Variants in FNIP2 observed in about 807,000 individuals in gnomAD.
FNIP2 encodes folliculin interacting protein 2, also known as folliculin-interacting protein 2.
FNIP2 carries 32 observed loss-of-function variants against 108.7 expected under a neutral mutation model. The ratio of observed to expected loss-of-function variants is 0.29; its 90% CI spans 0.22 to 0.40. The LOEUF is 0.40. Ranked by LOEUF, FNIP2 falls within the 10% of genes least tolerant of loss-of-function variation. FNIP2 has a pLI of 1.00. For missense variants in FNIP2, 1,202 were observed against 1,381.6 expected (o/e 0.87, Z 2.06); for synonymous variants, 480 against 496.7 (o/e 0.97, Z 0.45).
intron 1 of FNIP2, among the ~76,000 whole-genome samples, chr4:158,801,471 C>T (rs1018314984): frequency 6.6e-5 from 10 of 152,168 alleles, no homozygotes; most frequent in African/African-American, 2.4e-4. Flanking sequence ...AGTGGTCAGG[C>T]GCAGACGTGG....
Position 158,869,280 on chromosome 4 carries a change from A to C in FNIP2, c.2644A>C (p.Arg882=), listed in dbSNP as rs1250360987. Residue 882 remains arginine, a synonymous_variant, in exon 13 of 17, where the codon AGG becomes CGG. Coordinates refer to ENST00000264433, the MANE Select transcript of FNIP2 (RefSeq NM_020840.3). ...CGDDNKKANF[R]TEGDIPRNES... is the part of the protein sequence containing the mutation. Reference sequence around the variant, plus strand: ...GGATGACAACAAGAAGGCCAACTTCAGGACTGAAGGAGACATTCCCCGAAA... The same window carrying C: ...GGATGACAACAAGAAGGCCAACTTCCGGACTGAAGGAGACATTCCCCGAAA... 1 of 1,614,008 alleles carries C rather than the reference A, an allele frequency of 6.2e-7. No homozygotes were observed. Among genetic ancestry groups the C allele is most frequent in the Non-Finnish European group, 8.5e-7 (1 of 1,179,874 alleles).
intron 8 of FNIP2, among the ~76,000 whole-genome samples, chr4:158,853,064 G>C (rs1779787360): frequency 6.6e-6 from 1 of 152,144 alleles, no homozygotes; most frequent in African/African-American, 2.4e-5. Context: ...ATATAATAGA[G>C]ATGATAGTGA....
At chr4:158,894,018 A>G (rs1304872594) in intron 15 of FNIP2, among the ~76,000 whole-genome samples, 5 of 152,314 alleles carry the variant, frequency 3.3e-5, no homozygotes, top group Non-Finnish European at 4.4e-5. Flanking sequence ...TGGCTTTTAG[A>G]ACCTTCAATA....
chr4:158,859,247 G>A lies in FNIP2; in HGVS notation c.1048G>A (p.Ala350Thr), dbSNP rs1341619740. 1 of 1,606,234 alleles carries A rather than the reference G, an allele frequency of 6.2e-7. No homozygotes were observed. The change falls in exon 9 of 17, where the codon GCA becomes ACA. Residue 350 changes from alanine to threonine, a missense_variant. This residue lies in a region of FNIP2 where 878 missense variants were observed against 990.3 expected (regional missense o/e 0.89). Coordinates refer to ENST00000264433, the MANE Select transcript of FNIP2 (RefSeq NM_020840.3). ...FESHMNRLKS[A>T]IEKAMISCRK... ...ATCTCACATGAACAGGCTGAAGAGT[G>A]CAATTGAAAAGGTAATAAGGATGTA...
chr4:158,803,166 GTAAA>G (rs1776818141), intron 1 of FNIP2, among the ~76,000 whole-genome samples: 1 of 152,202 alleles, frequency 6.6e-6, no homozygotes, highest in African/African-American at 2.4e-5. Flanking sequence ...AGACACTTTT[GTAAA>G]TGTGTAAACT....
At chr4:158,902,367 C>T (rs946370276) in intron 16 of FNIP2, among the ~76,000 whole-genome samples, 3 of 152,192 alleles carry the variant, frequency 2.0e-5, no homozygotes, top group Admixed American at 2.0e-4. Flanking sequence ...AGCTTCGTCC[C>T]AGAGGGGCAC....
chr4:158,833,670 A>C, intron 6 of FNIP2, 42 bp downstream of exon 6: 1 of 1,532,826 alleles, frequency 6.5e-7, no homozygotes, highest in Non-Finnish European at 9.0e-7. Flanking sequence ...TTCTGAATAC[A>C]CTATTGTGGG....
At chr4:158,904,081 A>G (rs1167221388) in intron 16 of FNIP2, among the ~76,000 whole-genome samples, 1 of 152,234 alleles carries the variant, frequency 6.6e-6, no homozygotes, top group Non-Finnish European at 1.5e-5. Context: ...AAAAATCAGT[A>G]TGCATTTAGA....
chr4:158,855,297 A>C (rs1779920565), intron 8 of FNIP2, among the ~76,000 whole-genome samples: 1 of 152,180 alleles, frequency 6.6e-6, no homozygotes, highest in East Asian at 1.9e-4. Flanking sequence ...AATGGTAATC[A>C]CAGAACATTA....
intron 14 of FNIP2, among the ~76,000 whole-genome samples, chr4:158,883,288 C>A (rs1035846943): frequency 6.6e-6 from 1 of 152,088 alleles, no homozygotes; most frequent in Non-Finnish European, 1.5e-5. Context: ...GTCGTCCAGG[C>A]TGGAGTGCAG....
chr4:158,899,982 T>A (rs1308671500), intron 16 of FNIP2, among the ~76,000 whole-genome samples: 1 of 152,230 alleles, frequency 6.6e-6, no homozygotes, highest in Admixed American at 6.5e-5. Context: ...TTGTGGGCAT[T>A]TAGTGCTATA....
chr4:158,806,231 A>T, intron 1 of FNIP2: 1 of 1,289,064 alleles, frequency 7.8e-7, no homozygotes, highest in Non-Finnish European at 1.0e-6. Flanking sequence ...CCAGAAGAAC[A>T]TTAAACCGTT....
intron 2 of FNIP2, among the ~76,000 whole-genome samples, chr4:158,826,272 A>C (rs890455380): frequency 6.6e-6 from 1 of 152,256 alleles, no homozygotes; most frequent in Non-Finnish European, 1.5e-5. Flanking sequence ...TAATCATGGC[A>C]GGAGCTAAGC....
intron 1 of FNIP2, among the ~76,000 whole-genome samples, chr4:158,809,938 C>A (rs1213047120): frequency 6.6e-6 from 1 of 152,134 alleles, no homozygotes; most frequent in African/African-American, 2.4e-5. Context: ...AGTTACTTAA[C>A]AAGAAAGTAA....
chr4:158,830,141 GAA>G lies in FNIP2; in HGVS notation c.381+917_381+918del, dbSNP rs1167215911. 4.6e-5 allele frequency among the ~76,000 whole-genome samples: 7 copies of G among 151,868 alleles called. 1 individual carries two copies. The East Asian group carries it at 1.4e-3, about 30-fold the overall frequency. ...GAGGTGGGTGGAAGTTAGTAATAAA[GAA>G]TGTGAAAACCAGTTGGTTTCTGTCT... On this transcript the variant is annotated intron_variant, in intron 3 of 16. Transcript: ENST00000264433.
chr4:158,797,387 A>G (rs1776623305), intron 1 of FNIP2, among the ~76,000 whole-genome samples: 1 of 152,214 alleles, frequency 6.6e-6, no homozygotes, highest in Non-Finnish European at 1.5e-5. Context: ...TACGAAGGCT[A>G]TTACGGTAGT....
chr4:158,807,435 G>T (rs1046532772), intron 1 of FNIP2, among the ~76,000 whole-genome samples: 11 of 152,134 alleles, frequency 7.2e-5, no homozygotes, highest in African/African-American at 2.4e-4. Flanking sequence ...CCCAGGAGTT[G>T]TAGGCTGCAA....
chr4:158,885,650 C>T (rs762899122), intron 14 of FNIP2, among the ~76,000 whole-genome samples: 4 of 152,292 alleles, frequency 2.6e-5, no homozygotes, highest in Admixed American at 2.0e-4. Flanking sequence ...CTATGCTACA[C>T]GTTTCAACAC....
chr4:158,833,768 T>C, intron 6 of FNIP2, 140 bp downstream of exon 6: 1 of 1,499,848 alleles, frequency 6.7e-7, no homozygotes, highest in South Asian at 1.2e-5. Context: ...ATGTGTACTT[T>C]GTTTGCCCTC....
Sources: gnomAD v4.1 joint callset for allele counts (sites outside exome capture counted in the v4.1 genomes callset) on GRCh38, gnomAD v4.1.1 for gene constraint, gnomAD v4.1.1 regional missense constraint, MANE v1.5 for transcripts, NCBI Gene and HGNC (gene_info 2026-07-23, HGNC 2026-07-21) for gene names.